IGF1R: variants seen among roughly 807,000 people sequenced by gnomAD.
IGF1R encodes the protein insulin like growth factor 1 receptor.
A neutral mutation model predicts 144.6 loss-of-function variants in IGF1R; 44 were observed. The ratio of observed to expected loss-of-function variants is 0.30; its 90% CI spans 0.24 to 0.39. The LOEUF (loss-of-function observed/expected upper bound fraction) is 0.39. Among genes scored for constraint, IGF1R ranks in the 10% least tolerant of loss-of-function variants. The pLI, the probability that IGF1R is intolerant of heterozygous loss-of-function variation, is 1.00. For missense variants in IGF1R, 1,355 were observed against 1,833.7 expected, an observed-to-expected ratio of 0.74 and a Z score of 4.77; for synonymous variants, 795 against 722.8, an observed-to-expected ratio of 1.10 and a Z score of -1.60.
At chr15:98,853,582 G>A (rs540001538) in intron 2 of IGF1R, among the ~76,000 whole-genome samples, 1 of 152,346 alleles carries the variant, frequency 6.6e-6, no homozygotes, top group South Asian at 2.1e-4. Flanking sequence ...AGATGGTTTG[G>A]AATATTTTGT....
In IGF1R at chr15:98,908,600, A is replaced by T. The variant is rs992037638; in HGVS notation, c.1248-85A>T. 3.2e-6 allele frequency: 3 copies of T among 933,580 alleles called. No homozygotes were observed. The African/African-American group carries it at 4.9e-5, about 15-fold the overall frequency. 57.8% of individuals were successfully genotyped at this position (933,580 alleles called of 1,614,324 possible). ...GAAATGTATTGTGGAGCAGGTGGCAAAGAGGACCTGTGTTACGTGGCCAGC... is the reference window on the plus strand; with the variant it reads ...GAAATGTATTGTGGAGCAGGTGGCATAGAGGACCTGTGTTACGTGGCCAGC... On this transcript the variant is annotated intron_variant, in intron 5 of 20. Coordinates refer to ENST00000650285, the MANE Select transcript of IGF1R (RefSeq NM_000875.5).
At chr15:98,683,164 G>A (rs575782495) in intron 1 of IGF1R, among the ~76,000 whole-genome samples, 1 of 152,082 alleles carries the variant, frequency 6.6e-6, no homozygotes, top group African/African-American at 2.4e-5. Context: ...GCATAGGTAG[G>A]TGTTCATCAA....
At chr15:98,909,005 C>T (rs1050651061) in intron 6 of IGF1R, 106 bp downstream of exon 6, 1 of 958,130 alleles carries the variant, frequency 1.0e-6, no homozygotes, top group African/African-American at 1.6e-5. Flanking sequence ...CCTGGTTTCA[C>T]ATGGGGGACC....
At chr15:98,939,608 G>GT (rs1567212139) in intron 18 of IGF1R, among the ~76,000 whole-genome samples, 1 of 152,200 alleles carries the variant, frequency 6.6e-6, no homozygotes, top group Non-Finnish European at 1.5e-5. Flanking sequence ...CTCTCCAGAC[G>GT]TTTGAGGCAT....
intron 2 of IGF1R, among the ~76,000 whole-genome samples, chr15:98,847,083 T>A (rs1555452321): frequency 1.3e-5 from 2 of 152,136 alleles, no homozygotes; most frequent in South Asian, 4.1e-4. Context: ...TTCAAGTGAT[T>A]CTCATCCCTC....
chr15:98,881,049 G>C (rs776432852), intron 2 of IGF1R, among the ~76,000 whole-genome samples: 29 of 151,302 alleles, frequency 1.9e-4, no homozygotes, highest in Non-Finnish European at 2.9e-5. Context: ...CACTTCTGCA[G>C]AGAAAAAAAA....
Position 98,960,156 on chromosome 15 carries a change from C to T in IGF1R, c.*2714C>T. ...AATAGGCCGTTGATACTGGTAACCT[C>T]ATCCACGCCACAGGCGCCACACCCA... On this transcript the variant is annotated 3_prime_UTR_variant, in exon 21 of 21. Transcript: ENST00000650285. 1 of 233,766 alleles carries T rather than the reference C, an allele frequency of 4.3e-6. No individual in the cohort carries two copies. Among genetic ancestry groups the T allele is most frequent in the Non-Finnish European group, 8.5e-6 (1 of 118,076 alleles). 14.5% of individuals were successfully genotyped at this position (233,766 alleles called of 1,614,324 possible). A position where few individuals can be genotyped will look rare whatever the true frequency, so the allele number is the denominator to read the frequency against.
intron 2 of IGF1R, among the ~76,000 whole-genome samples, chr15:98,797,685 A>G (rs915617166): frequency 2.0e-5 from 3 of 152,206 alleles, no homozygotes; most frequent in African/African-American, 7.2e-5. Context: ...ATGTCAGTAT[A>G]TACATTGCCA....
At position 98,962,230 on chromosome 15, in the gene IGF1R, C is replaced by T. The variant is rs986563466; in HGVS notation, c.*4788C>T. 2 of 233,264 alleles carry T rather than the reference C, an allele frequency of 8.6e-6. No individual in the cohort carries two copies. The highest frequency in any genetic ancestry group is 1.7e-5 in the Non-Finnish European group (2 of 118,102). The allele number at this position is 233,264 out of a possible 1,614,324, so 14.4% of individuals were successfully genotyped here. Reference sequence around the variant, plus strand: ...GTGTTGGCCACTCCCTTCTAAAACACAGGCGCCCTCCTGGTGACAGTGACC... The same window carrying T: ...GTGTTGGCCACTCCCTTCTAAAACATAGGCGCCCTCCTGGTGACAGTGACC... On this transcript the variant is annotated 3_prime_UTR_variant, in exon 21 of 21. Coordinates refer to ENST00000650285, the MANE Select transcript of IGF1R (RefSeq NM_000875.5).
rs138265676 is a variant in IGF1R, at chr15:98,856,157, G to C, written c.641-35168G>C. On this transcript the variant is annotated intron_variant, in intron 2 of 20. Transcript: ENST00000650285. The stretch of plus-strand genomic sequence containing the variant: ...TGAGTCTTTCTCCACAAAAATATGT[G>C]GGAGGCCTGCAGGGCAGGTGCTCAA... Among the ~76,000 whole-genome samples, 593 of 152,328 alleles carry C rather than the reference G, an allele frequency of 3.9e-3. 3 individuals carry two copies. The highest frequency in any genetic ancestry group is 0.014 in the African/African-American group (571 of 41,564).
In IGF1R at chr15:98,912,042, C is replaced by T. The variant is rs753572854; in HGVS notation, c.1589+601C>T. ...TTCCTGTGTGATCACATGACATTCC[C>T]CCATCTAAGCAGCCGAGGCTTATTC... On this transcript the variant is annotated intron_variant, in intron 7 of 20. Coordinates refer to ENST00000650285, the MANE Select transcript of IGF1R (RefSeq NM_000875.5). Among the ~76,000 whole-genome samples the T allele has an allele frequency of 2.8e-4, 42 of 152,182 alleles. 1 individual carries two copies. Among genetic ancestry groups the T allele is most frequent in the Non-Finnish European group, 4.7e-4 (32 of 68,038 alleles).
rs762378834 is a variant in IGF1R at position 98,664,860 on chromosome 15, T to TA, written c.94+15196dup. Among the ~76,000 whole-genome samples the TA allele has an allele frequency of 5.1e-4, 75 of 146,410 alleles. 2 individuals carry two copies. The South Asian group carries it at 7.8e-3, about 15-fold the overall frequency. On this transcript the variant is annotated intron_variant, in intron 1 of 20. Transcript: ENST00000650285. ...CGCATTAGAAGTTATTTACTTCCTT[T>TA]AAAAAAAAAAATACCCTTTGGGTGT...
intron 2 of IGF1R, among the ~76,000 whole-genome samples, chr15:98,745,733 G>T (rs979142394): frequency 7.3e-5 from 11 of 151,366 alleles, no homozygotes; most frequent in African/African-American, 2.7e-4. Context: ...GCTTAAAGCT[G>T]CCCTGAAATC....
At chr15:98,834,565 G>A (rs2057059899) in intron 2 of IGF1R, among the ~76,000 whole-genome samples, 1 of 152,184 alleles carries the variant, frequency 6.6e-6, no homozygotes, top group Admixed American at 6.5e-5. Context: ...GACAAATCAA[G>A]CTAGAAAGAC....
In IGF1R at chr15:98,838,489, A is replaced by G. The variant is rs180831037; in HGVS notation, c.641-52836A>G. 3.8e-3 allele frequency among the ~76,000 whole-genome samples: 575 copies of G among 152,202 alleles called. 3 individuals carry two copies. The highest frequency in any genetic ancestry group is 0.013 in the African/African-American group (534 of 41,518). Reference sequence around the variant, plus strand: ...TGCTGTTTGCTTTCTTGAATTTTGAACCTGTTATTGAGAAGGTAGATGCGC... The same window carrying G: ...TGCTGTTTGCTTTCTTGAATTTTGAGCCTGTTATTGAGAAGGTAGATGCGC... On this transcript the variant is annotated intron_variant, in intron 2 of 20. Transcript: ENST00000650285.
intron 2 of IGF1R, among the ~76,000 whole-genome samples, chr15:98,837,463 T>C (rs2011107752): frequency 6.6e-6 from 1 of 152,072 alleles, no homozygotes; most frequent in Admixed American, 6.5e-5. Flanking sequence ...TTGGTCTTGA[T>C]CTCCTGACCG....
chr15:98,771,318 T>G (rs1768798724), intron 2 of IGF1R, among the ~76,000 whole-genome samples: 1 of 152,196 alleles, frequency 6.6e-6, no homozygotes, highest in Non-Finnish European at 1.5e-5. Flanking sequence ...TTGTTGTTGT[T>G]GTTGTTTTCC....
chr15:98,809,830 T>C (rs1205790538), intron 2 of IGF1R, among the ~76,000 whole-genome samples: 3 of 152,172 alleles, frequency 2.0e-5, no homozygotes, highest in Non-Finnish European at 4.4e-5. Flanking sequence ...CTCTCCATCC[T>C]AGTTGCTAAA....
At chr15:98,744,052 G>C (rs942270615) in intron 2 of IGF1R, among the ~76,000 whole-genome samples, 4 of 152,126 alleles carry the variant, frequency 2.6e-5, no homozygotes, top group Non-Finnish European at 4.4e-5. Context: ...AGACACTTCT[G>C]AGTCAAGCAG....
Sources: allele counts gnomAD v4.1 joint callset (sites outside exome capture counted in the v4.1 genomes callset), GRCh38; gene constraint gnomAD v4.1.1; transcripts MANE v1.5; gene names NCBI Gene and HGNC (gene_info 2026-07-23, HGNC 2026-07-21).